The following CNTN4 variants were observed in gnomAD, a reference collection of about 807,000 sequenced individuals.
CNTN4 encodes the protein contactin 4.
Under a neutral mutation model 122.5 loss-of-function variants are expected in CNTN4, and 77 were observed. That is an observed-to-expected ratio of 0.63 (90% CI 0.52 to 0.76). The LOEUF is 0.76. CNTN4 is among the 30% of genes least tolerant of loss of function. The pLI is 0.00. For missense variants in CNTN4, 1,256 were observed against 1,259.1 expected (o/e 1.00, Z 0.04); for synonymous variants, 512 against 447.0 (o/e 1.15, Z -1.83).
Position 2,765,298 on chromosome 3 carries a change from T to C in CNTN4, c.358+19601T>C, listed in dbSNP as rs188998757. Among the ~76,000 whole-genome samples the C allele has an allele frequency of 6.9e-4, 105 of 152,304 alleles. 1 individual carries two copies. The Middle Eastern group carries it at 0.024, about 35-fold the overall frequency. On this transcript the variant is annotated intron_variant, in intron 6 of 24. Transcript: ENST00000418658. ...TCTGCACGGAGATGAAAGGATGAGATTGAAGATGCTAACGAAGTCAGGAAA... is the reference window on the plus strand; with the variant it reads ...TCTGCACGGAGATGAAAGGATGAGACTGAAGATGCTAACGAAGTCAGGAAA...
At chr3:2,616,396 A>G (rs2081739942) in intron 4 of CNTN4, among the ~76,000 whole-genome samples, 1 of 152,108 alleles carries the variant, frequency 6.6e-6, no homozygotes, top group South Asian at 2.1e-4. Flanking sequence ...CATTCAGGTT[A>G]GTTTCATGTC....
intron 13 of CNTN4, among the ~76,000 whole-genome samples, chr3:2,951,546 A>T (rs988848653): frequency 1.3e-5 from 2 of 152,170 alleles, no homozygotes; most frequent in African/African-American, 4.8e-5. Flanking sequence ...CCTGTTCTAG[A>T]CTACTGTGTA....
chr3:2,375,204 T>C (rs1462431652), intron 3 of CNTN4, among the ~76,000 whole-genome samples: 1 of 152,246 alleles, frequency 6.6e-6, no homozygotes, highest in Non-Finnish European at 1.5e-5. Flanking sequence ...AATTGCTACC[T>C]ACAGATATTA....
intron 3 of CNTN4, among the ~76,000 whole-genome samples, chr3:2,448,458 A>C (rs531939017): frequency 6.6e-6 from 1 of 152,250 alleles, no homozygotes; most frequent in African/African-American, 2.4e-5. Context: ...GGGCTTCTCA[A>C]ATGCAAGTGG....
intron 3 of CNTN4, among the ~76,000 whole-genome samples, chr3:2,512,507 A>G (rs2076917252): frequency 6.6e-6 from 1 of 152,234 alleles, no homozygotes; most frequent in Non-Finnish European, 1.5e-5. Flanking sequence ...TGTTTGCATG[A>G]TGTCTTTCAC....
At chr3:2,422,384 A>G (rs1022788818) in intron 3 of CNTN4, among the ~76,000 whole-genome samples, 3 of 152,320 alleles carry the variant, frequency 2.0e-5, no homozygotes, top group Non-Finnish European at 4.4e-5. Flanking sequence ...ATAGTGTGCA[A>G]TGTTCCTTCC....
intron 4 of CNTN4, among the ~76,000 whole-genome samples, chr3:2,649,480 C>T (rs755723028): frequency 1.3e-5 from 2 of 152,130 alleles, no homozygotes; most frequent in African/African-American, 4.8e-5. Flanking sequence ...AACAACAAAG[C>T]CTGGATAACA....
intron 14 of CNTN4, among the ~76,000 whole-genome samples, chr3:3,009,550 C>T: frequency 6.6e-6 from 1 of 150,604 alleles, no homozygotes; most frequent in Non-Finnish European, 1.5e-5. Context: ...TCTCCTGCCT[C>T]AGCTTCCCGA....
intron 4 of CNTN4, among the ~76,000 whole-genome samples, chr3:2,627,699 T>C (rs564814801): frequency 2.0e-5 from 3 of 152,108 alleles, no homozygotes; most frequent in Non-Finnish European, 4.4e-5. Flanking sequence ...TTCACCGTGT[T>C]AGCCAGGATG....
At chr3:2,649,581 C>T (rs1368386261) in intron 4 of CNTN4, among the ~76,000 whole-genome samples, 1 of 152,144 alleles carries the variant, frequency 6.6e-6, no homozygotes, top group Non-Finnish European at 1.5e-5. Context: ...CAAAATATTA[C>T]TTGTGTTTGA....
At chr3:2,537,330 A>G (rs1184121730) in intron 3 of CNTN4, among the ~76,000 whole-genome samples, 1 of 152,044 alleles carries the variant, frequency 6.6e-6, no homozygotes, top group African/African-American at 2.4e-5. Flanking sequence ...AGTGTCTCCA[A>G]AGTCTGAAGG....
intron 3 of CNTN4, among the ~76,000 whole-genome samples, chr3:2,430,936 G>T (rs560274489): frequency 7.2e-5 from 11 of 152,256 alleles, no homozygotes; most frequent in Non-Finnish European, 1.2e-4. Flanking sequence ...GAATCATAAT[G>T]CTAAGTGTCT....
intron 13 of CNTN4, among the ~76,000 whole-genome samples, chr3:2,957,114 C>T (rs2094807712): frequency 1.3e-5 from 2 of 152,144 alleles, no homozygotes; most frequent in South Asian, 4.1e-4. Flanking sequence ...GCAGATAGCT[C>T]TTCAACATAC....
chr3:3,003,776 G>A (rs904431012), intron 14 of CNTN4, among the ~76,000 whole-genome samples: 54 of 149,128 alleles, frequency 3.6e-4, no homozygotes, highest in African/African-American at 1.3e-3. Context: ...TTGAGACAGA[G>A]TCTTGTTCTG....
intron 13 of CNTN4, among the ~76,000 whole-genome samples, chr3:2,973,167 T>C (rs539689745): frequency 2.0e-3 from 308 of 152,010 alleles, no homozygotes; most frequent in African/African-American, 7.2e-3. Flanking sequence ...GGGAAGAAAA[T>C]AGTTGAGTCT....
At chr3:2,885,336 C>A (rs941304672) in intron 9 of CNTN4, among the ~76,000 whole-genome samples, 1 of 152,120 alleles carries the variant, frequency 6.6e-6, no homozygotes, top group African/African-American at 2.4e-5. Flanking sequence ...ATGATAGATG[C>A]CTTGAGAGTA....
chr3:2,474,242 C>A (rs1217233227), intron 3 of CNTN4, among the ~76,000 whole-genome samples: 1 of 152,136 alleles, frequency 6.6e-6, no homozygotes, highest in African/African-American at 2.4e-5. Flanking sequence ...TTAGTCTCTA[C>A]CCTCCACCAA....
intron 14 of CNTN4, among the ~76,000 whole-genome samples, chr3:3,019,327 C>A (rs1404705534): frequency 6.6e-6 from 1 of 152,120 alleles, no homozygotes; most frequent in African/African-American, 2.4e-5. Flanking sequence ...CTTTTTCAGA[C>A]AGAGTCTCAC....
At chr3:2,114,643 A>G (rs1221561953) in intron 2 of CNTN4, among the ~76,000 whole-genome samples, 1 of 152,172 alleles carries the variant, frequency 6.6e-6, no homozygotes, top group Non-Finnish European at 1.5e-5. Context: ...TTATCCCCAG[A>G]GTTGGACCAC....
Sources: gnomAD v4.1 joint callset for allele counts (sites outside exome capture counted in the v4.1 genomes callset) on GRCh38, gnomAD v4.1.1 for gene constraint, MANE v1.5 for transcripts, NCBI Gene and HGNC (gene_info 2026-07-23, HGNC 2026-07-21) for gene names.